ADSL: variants seen among roughly 807,000 people sequenced by gnomAD.
ADSL encodes adenylosuccinase.
Under a neutral mutation model 62.1 loss-of-function variants are expected in ADSL, and 44 were observed. That is an observed-to-expected ratio of 0.71 (90% CI 0.56 to 0.91). The LOEUF (loss-of-function observed/expected upper bound fraction) is 0.91, where lower values mean the gene tolerates loss of function less well. Among genes scored for constraint, ADSL ranks in the 40% least tolerant of loss-of-function variants. The pLI is 0.00. For missense variants in ADSL, 531 were observed against 627.4 expected, an observed-to-expected ratio of 0.85 and a Z score of 1.64; for synonymous variants, 198 against 220.5, an observed-to-expected ratio of 0.90 and a Z score of 0.90.
chr22:40,360,979 G>A (rs899213902), intron 7 of ADSL: 1 of 435,476 alleles, frequency 2.3e-6, no homozygotes, highest in Non-Finnish European at 4.3e-6. Context: ...GGGATTACAG[G>A]TGTGAGCCAC....
At chr22:40,349,754 GTT>G in intron 1 of ADSL, 76 bp from the exon 2 acceptor site, 1 of 1,330,476 alleles carries the variant, frequency 7.5e-7, no homozygotes, top group Non-Finnish European at 1.1e-6. Flanking sequence ...ACATGAATCA[GTT>G]TTTTTTCCTT....
At chr22:40,359,224 A>G (rs1395731121) in intron 5 of ADSL, 36 bp from the exon 6 acceptor site, 2 of 1,613,020 alleles carry the variant, frequency 1.2e-6, no homozygotes, top group Admixed American at 1.7e-5. Context: ...CACTGGACAC[A>G]TGGATTATTA....
intron 2 of ADSL, among the ~76,000 whole-genome samples, chr22:40,380,459 C>T (rs1031553191): frequency 1.3e-5 from 2 of 151,596 alleles, no homozygotes; most frequent in African/African-American, 4.9e-5. Context: ...CTCCGCCTCC[C>T]GGGTTCAAGC....
intron 2 of ADSL, among the ~76,000 whole-genome samples, chr22:40,375,756 A>C (rs1052815373): frequency 1.3e-5 from 2 of 151,820 alleles, no homozygotes; most frequent in East Asian, 3.9e-4. Context: ...CTCTAAAGAC[A>C]TGAAACAGGC....
intron 3 of ADSL, 60 bp from the exon 4 acceptor site, chr22:40,354,188 A>C (rs1189422590): frequency 1.4e-5 from 19 of 1,382,146 alleles, no homozygotes; most frequent in Non-Finnish European, 1.9e-5. Flanking sequence ...TTTTGTTCCT[A>C]ATTATGTAAT....
chr22:40,380,535 T>C (rs1418393897), intron 2 of ADSL, among the ~76,000 whole-genome samples: 2 of 152,024 alleles, frequency 1.3e-5, no homozygotes, highest in African/African-American at 4.8e-5. Context: ...CCTGGCTAAT[T>C]CTTGTATTTC....
chr22:40,382,960 G>A (rs2047811425), intron 2 of ADSL, among the ~76,000 whole-genome samples: 1 of 152,240 alleles, frequency 6.6e-6, no homozygotes, highest in East Asian at 1.9e-4. Flanking sequence ...GTATAAAGGT[G>A]AAGGTAGATT....
At chr22:40,364,155 G>A in intron 10 of ADSL, 121 bp from the exon 11 acceptor site, 1 of 764,960 alleles carries the variant, frequency 1.3e-6, no homozygotes, top group Non-Finnish European at 2.3e-6. Context: ...AAAACAACTT[G>A]TTACTCTCCA....
Position 40,368,064 on chromosome 22 carries a change from C to G in ADSL, c.*1542C>G, listed in dbSNP as rs532150916. 6.6e-6 allele frequency: 1 copy of G among 152,310 alleles called. No homozygotes were observed. Among genetic ancestry groups the G allele is most frequent in the South Asian group, 2.1e-4 (1 of 4,832 alleles). 9.4% of individuals were successfully genotyped at this position (152,310 alleles called of 1,614,324 possible). A position where few individuals can be genotyped will look rare whatever the true frequency, so the allele number is the denominator to read the frequency against. ...CTGGAGAGCCAACCTCCAAAAAGATCTTGTGGTGGAGGAATGTTAGGGCTC... is the reference window on the plus strand; with the variant it reads ...CTGGAGAGCCAACCTCCAAAAAGATGTTGTGGTGGAGGAATGTTAGGGCTC... On this transcript the variant is annotated 3_prime_UTR_variant, in exon 13 of 13. Coordinates refer to ENST00000623063, the MANE Select transcript of ADSL (RefSeq NM_000026.4).
In ADSL at chr22:40,346,699, G is replaced by A; in HGVS notation, c.141G>A (p.Ala47=). 1 of 1,607,308 alleles carries A rather than the reference G, an allele frequency of 6.2e-7. No individual in the cohort carries two copies. Among genetic ancestry groups the A allele is most frequent in the South Asian group, 1.1e-5 (1 of 90,338 alleles). Residue 47 remains alanine, a synonymous_variant, in exon 1 of 13, where the codon GCG becomes GCA. Coordinates refer to ENST00000623063, the MANE Select transcript of ADSL (RefSeq NM_000026.4). ...GGCGGCAGCTGTGGCTGTGGCTGGC[G>A]GAGGCCGAGCAGGTAACGGATCCCG... ...RTWRQLWLWL[A]EAEQTLGLPI... is the part of the protein sequence containing the mutation.
chr22:40,359,410 T>G (rs1422448409), intron 6 of ADSL, 104 bp downstream of exon 6: 1 of 1,112,810 alleles, frequency 9.0e-7, no homozygotes, highest in Non-Finnish European at 1.4e-6. Flanking sequence ...TTTCTTCCTT[T>G]GTTCTTCTAC....
chr22:40,386,562 CTTTTTTTT>C (rs60319316), intron 2 of ADSL, among the ~76,000 whole-genome samples: 50 of 68,362 alleles, frequency 7.3e-4, no homozygotes, highest in African/African-American at 2.3e-3. Flanking sequence ...AATTTTCTTA[CTTTTTTTT>C]TTTTTTTTTT....
chr22:40,372,587 T>G (rs1028664378), downstream of ADSL: 1 of 152,138 alleles, frequency 6.6e-6, no homozygotes, highest in African/African-American at 2.4e-5. Context: ...ACCTCGTGAA[T>G]TTGGAAACAT....
chr22:40,365,643 G>C (rs1380579833), intron 12 of ADSL, among the ~76,000 whole-genome samples: 5 of 152,080 alleles, frequency 3.3e-5, no homozygotes, highest in Non-Finnish European at 7.4e-5. Context: ...GCCGAGGCAG[G>C]AGGATTGCTT....
At chr22:40,369,563 G>T (rs2045133068), downstream of ADSL, among the ~76,000 whole-genome samples, 1 of 151,240 alleles carries the variant, frequency 6.6e-6, no homozygotes, top group Non-Finnish European at 1.5e-5. Context: ...GAGTGCAGTG[G>T]CATGACCACA....
At chr22:40,348,546 A>G (rs960529343) in intron 1 of ADSL, 2 of 398,456 alleles carry the variant, frequency 5.0e-6, no homozygotes, top group Non-Finnish European at 8.8e-6. Context: ...ACGCCCGGCA[A>G]ATTTTTGTGT....
chr22:40,383,985 A>G (rs555519437), intron 2 of ADSL, among the ~76,000 whole-genome samples: 1 of 152,350 alleles, frequency 6.6e-6, no homozygotes, highest in Non-Finnish European at 1.5e-5. Flanking sequence ...ATCATGGCTC[A>G]TGCCTGTAAT....
chr22:40,368,189 A>T lies in ADSL; in HGVS notation c.*1667A>T, dbSNP rs992247453. ...TTGCCCCAAGAGACACACTGAGCTC[A>T]ATACCCATTACTGAGACTGGCTTGG... On this transcript the variant is annotated 3_prime_UTR_variant, in exon 13 of 13. Transcript: ENST00000623063. 6.6e-6 allele frequency: 1 copy of T among 152,238 alleles called. No homozygotes were observed. The highest frequency in any genetic ancestry group is 2.4e-5 in the African/African-American group (1 of 41,446). The allele number at this position is 152,238 out of a possible 1,614,324, so 9.4% of individuals were successfully genotyped here.
chr22:40,384,904 G>C (rs2146835801), intron 2 of ADSL, among the ~76,000 whole-genome samples: 1 of 152,342 alleles, frequency 6.6e-6, no homozygotes, highest in Non-Finnish European at 1.5e-5. Flanking sequence ...TTATATGACA[G>C]TAATAGCTAA....
Sources: allele counts gnomAD v4.1 joint callset (sites outside exome capture counted in the v4.1 genomes callset), GRCh38; gene constraint gnomAD v4.1.1; transcripts MANE v1.5; gene names NCBI Gene and HGNC (gene_info 2026-07-23, HGNC 2026-07-21).